Variants in NCR3LG1 observed in about 807,000 individuals in gnomAD.
NCR3LG1 encodes the protein natural killer cell cytotoxicity receptor 3 ligand 1.
Under a neutral mutation model 34.8 loss-of-function variants are expected in NCR3LG1, and 35 were observed. That is an observed-to-expected ratio of 1.01 (90% CI 0.77 to 1.33). NCR3LG1 has a LOEUF of 1.33. NCR3LG1 is among the 40% of genes most tolerant of loss of function. The probability of loss-of-function intolerance (pLI) is 0.00; values close to 1 mark genes in which losing one functional copy is unlikely to be tolerated. For missense variants in NCR3LG1, 452 were observed against 423.3 expected (o/e 1.07, Z -0.60); for synonymous variants, 173 against 163.6 (o/e 1.06, Z -0.44).
rs898863035 is a variant in NCR3LG1 at position 17,374,271 on chromosome 11, C to G, written c.*1759C>G. ...CTAAAGGATGCCTTTTTCTGTATAC[C>G]TTTATACCCTGACTCCCAATACTTG... On this transcript the variant is annotated 3_prime_UTR_variant, in exon 5 of 5. Transcript: ENST00000338965. The G allele has an allele frequency of 1.3e-5, 2 of 152,114 alleles. No individual in the cohort carries two copies. Among genetic ancestry groups the G allele is most frequent in the African/African-American group, 2.4e-5 (1 of 41,414 alleles). 9.4% of individuals were successfully genotyped at this position (152,114 alleles called of 1,614,324 possible).
downstream of NCR3LG1, chr11:17,380,789 C>G (rs4757511): frequency 0.059 from 8,928 of 152,202 alleles, 384 homozygotes; most frequent in Non-Finnish European, 0.088. Flanking sequence ...TGTGCCTGGC[C>G]TAGTATTGGT....
chr11:17,356,822 T>G lies in NCR3LG1; in HGVS notation c.242T>G (p.Phe81Cys), dbSNP rs1953214628. ...TFDKEVKVFE[F>C]FGDHQEAFRP... ...GACAAAGAAGTCAAAGTCTTTGAAT[T>G]TTTTGGAGATCACCAAGAGGCATTC... The change falls in exon 2 of 5, where the codon TTT (phenylalanine) becomes TGT (cysteine). Residue 81 changes from phenylalanine to cysteine, a missense_variant. Physicochemically the swap from Phe to Cys is radical, Grantham distance 205. Transcript: ENST00000338965. 6.5e-7 allele frequency: 1 copy of G among 1,536,060 alleles called. No individual in the cohort carries two copies.
chr11:17,356,635 C>A lies in NCR3LG1; in HGVS notation c.71-16C>A, dbSNP rs952792460. The A allele has an allele frequency of 3.0e-5, 45 of 1,492,130 alleles. No homozygotes were observed. The African/African-American group carries it at 5.7e-4, about 19-fold the overall frequency. The allele number at this position is 1,492,130 out of a possible 1,614,324, so 92.4% of individuals were successfully genotyped here. ...TACATTGGTAAACTGAACATTGTGT[C>A]CTCTTATTGCCACAGGTGATCTGAA... On this transcript the variant is annotated splice_polypyrimidine_tract_variant and intron_variant, in intron 1 of 4. Transcript: ENST00000338965.
Position 17,352,054 on chromosome 11 carries a change from G to T in NCR3LG1, c.70+15G>T. 2 of 1,471,870 alleles carry T rather than the reference G, an allele frequency of 1.4e-6. No homozygotes were observed. The highest frequency in any genetic ancestry group is 1.8e-6 in the Non-Finnish European group (2 of 1,106,232). The allele number at this position is 1,471,870 out of a possible 1,614,324, so 91.2% of individuals were successfully genotyped here. ...GACGACCGAAGGTAGGGGGCGGCTG[G>T]GGTGGGCTGGGGCGGGGGCTCCTGG... On this transcript the variant is annotated intron_variant, in intron 1 of 4. Coordinates refer to ENST00000338965, the MANE Select transcript of NCR3LG1 (RefSeq NM_001202439.3).
chr11:17,361,319 G>A (rs1239652228), intron 2 of NCR3LG1, among the ~76,000 whole-genome samples: 4 of 148,520 alleles, frequency 2.7e-5, no homozygotes, highest in African/African-American at 7.5e-5. Context: ...ACAGAGTCTC[G>A]CTGTGTTGCC....
chr11:17,364,446 G>A (rs1471576191), intron 2 of NCR3LG1, among the ~76,000 whole-genome samples: 1 of 152,072 alleles, frequency 6.6e-6, no homozygotes, highest in African/African-American at 2.4e-5. Context: ...TGCCCACCTT[G>A]GCCTCCCAAA....
At chr11:17,378,816 G>T (rs1045280593), downstream of NCR3LG1, among the ~76,000 whole-genome samples, 1 of 152,176 alleles carries the variant, frequency 6.6e-6, no homozygotes, top group African/African-American at 2.4e-5. Flanking sequence ...TGTACAGGGA[G>T]GCTTGCCTTA....
rs1239702822 is a variant in NCR3LG1 at position 17,375,439 on chromosome 11, CCT to C, written c.*2933_*2934del. 1 of 152,106 alleles carries C rather than the reference CCT, an allele frequency of 6.6e-6. No individual in the cohort carries two copies. The highest frequency in any genetic ancestry group is 2.4e-5 in the African/African-American group (1 of 41,408). 9.4% of individuals were successfully genotyped at this position (152,106 alleles called of 1,614,324 possible). Reference sequence around the variant, plus strand: ...CACCCTAAATAACATTGAAAATGTGCCTCTCTCACCAGGCACACACACTCAAT... The same window carrying C: ...CACCCTAAATAACATTGAAAATGTGCCTCTCACCAGGCACACACACTCAAT... On this transcript the variant is annotated 3_prime_UTR_variant, in exon 5 of 5. Coordinates refer to ENST00000338965, the MANE Select transcript of NCR3LG1 (RefSeq NM_001202439.3).
chr11:17,371,034 TG>T (rs1953400273), intron 4 of NCR3LG1, among the ~76,000 whole-genome samples: 1 of 152,228 alleles, frequency 6.6e-6, no homozygotes, highest in Non-Finnish European at 1.5e-5. Context: ...TAGACATTCA[TG>T]GCACTCTATA....
chr11:17,379,259 G>A (rs1953500857), downstream of NCR3LG1, among the ~76,000 whole-genome samples: 1 of 152,182 alleles, frequency 6.6e-6, no homozygotes, highest in Non-Finnish European at 1.5e-5. Flanking sequence ...TGGTGAGACT[G>A]TAAAACTATC....
chr11:17,361,383 G>A (rs565477064), intron 2 of NCR3LG1, among the ~76,000 whole-genome samples: 1 of 151,790 alleles, frequency 6.6e-6, no homozygotes, highest in South Asian at 2.1e-4. Context: ...TGCCTCCTGG[G>A]TTCAAGCAAT....
At chr11:17,356,050 C>T (rs1188368721) in intron 1 of NCR3LG1, among the ~76,000 whole-genome samples, 3 of 152,020 alleles carry the variant, frequency 2.0e-5, no homozygotes, top group African/African-American at 7.2e-5. Context: ...ATCCTCTGGC[C>T]TCAGACTCTG....
At chr11:17,362,628 T>C (rs1953280742) in intron 2 of NCR3LG1, among the ~76,000 whole-genome samples, 1 of 131,924 alleles carries the variant, frequency 7.6e-6, no homozygotes, top group East Asian at 2.3e-4. Flanking sequence ...AGGTGATTTT[T>C]TTCTTCTTCT....
intron 1 of NCR3LG1, 116 bp from the exon 2 acceptor site, chr11:17,356,535 C>G (rs72865016): frequency 0.056 from 40,725 of 725,232 alleles, 1,575 homozygotes; most frequent in Admixed American, 0.16. Flanking sequence ...TACCATCACA[C>G]TGGGGGTCAG....
chr11:17,372,739 A>G lies in NCR3LG1; in HGVS notation c.*227A>G. The G allele has an allele frequency of 2.0e-6, 1 of 490,620 alleles. No individual in the cohort carries two copies. The highest frequency in any genetic ancestry group is 3.6e-6 in the Non-Finnish European group (1 of 279,010). The allele number at this position is 490,620 out of a possible 1,614,324, so 30.4% of individuals were successfully genotyped here. On this transcript the variant is annotated 3_prime_UTR_variant, in exon 5 of 5. Coordinates refer to ENST00000338965, the MANE Select transcript of NCR3LG1 (RefSeq NM_001202439.3). The stretch of plus-strand genomic sequence containing the variant: ...AGCCCTGCAGGCAGCAGAAAAATTC[A>G]GAGATGAACAACATGTCTTCTATAG...
chr11:17,364,837 C>T (rs753457706), intron 2 of NCR3LG1, among the ~76,000 whole-genome samples: 18 of 152,156 alleles, frequency 1.2e-4, no homozygotes, highest in Non-Finnish European at 1.8e-4. Context: ...TGAGCCATTG[C>T]GTTCAGCCTC....
chr11:17,375,351 C>A lies in NCR3LG1; in HGVS notation c.*2839C>A, dbSNP rs1953463811. ...TTCCCCTAGAAAATCCAGACTGGAC[C>A]CACTTTATGGATGGGAGCTCTTTTG... On this transcript the variant is annotated 3_prime_UTR_variant, in exon 5 of 5. Transcript: ENST00000338965. The A allele has an allele frequency of 1.3e-5, 2 of 152,094 alleles. No individual in the cohort carries two copies. The highest frequency in any genetic ancestry group is 1.3e-4 in the Admixed American group (2 of 15,278). The allele number at this position is 152,094 out of a possible 1,614,324, so 9.4% of individuals were successfully genotyped here.
chr11:17,369,172 A>T (rs1478862319), intron 4 of NCR3LG1, among the ~76,000 whole-genome samples: 1 of 151,998 alleles, frequency 6.6e-6, no homozygotes, highest in African/African-American at 2.4e-5. Flanking sequence ...ATACCATCTG[A>T]CCTCTGTATG....
At chr11:17,370,135 G>A (rs1235577996) in intron 4 of NCR3LG1, among the ~76,000 whole-genome samples, 1 of 152,212 alleles carries the variant, frequency 6.6e-6, no homozygotes, top group Non-Finnish European at 1.5e-5. Flanking sequence ...TACGAGGATG[G>A]GGTGGAGCTA....
Sources: gnomAD v4.1 joint callset for allele counts (sites outside exome capture counted in the v4.1 genomes callset) on GRCh38, gnomAD v4.1.1 for gene constraint, MANE v1.5 for transcripts, NCBI Gene and HGNC (gene_info 2026-07-23, HGNC 2026-07-21) for gene names.